The following HHAT variants were observed in gnomAD, a reference collection of about 807,000 sequenced individuals.
HHAT encodes the protein hedgehog acyltransferase.
Under a neutral mutation model 70.8 loss-of-function variants are expected in HHAT, and 47 were observed. The ratio of observed to expected loss-of-function variants is 0.66; its 90% CI spans 0.53 to 0.85. The LOEUF is 0.85. Ranked by LOEUF, HHAT falls within the 40% of genes least tolerant of loss-of-function variation. The probability of loss-of-function intolerance (pLI) is 0.00; values close to 1 mark genes in which losing one functional copy is unlikely to be tolerated. For missense variants in HHAT, 609 were observed against 604.8 expected (o/e 1.01, Z -0.07); for synonymous variants, 228 against 247.6 (o/e 0.92, Z 0.74).
chr1:210,431,307 C>T (rs2093235368), intron 7 of HHAT, among the ~76,000 whole-genome samples: 1 of 151,742 alleles, frequency 6.6e-6, no homozygotes, highest in Non-Finnish European at 1.5e-5. Flanking sequence ...TGCCACCTGT[C>T]CCCACATGTG....
chr1:210,619,100 G>A (rs116373790), intron 10 of HHAT, among the ~76,000 whole-genome samples: 2 of 152,094 alleles, frequency 1.3e-5, no homozygotes, highest in African/African-American at 2.4e-5. Context: ...TGTTCTGAGG[G>A]GCTTGCTGTA....
rs1232023005 is a variant in HHAT, at chr1:210,598,132, G to A, written c.1245+10033G>A. Among the ~76,000 whole-genome samples, 3 of 151,904 alleles carry A rather than the reference G, an allele frequency of 2.0e-5. No homozygotes were observed. In the East Asian group the frequency reaches 5.8e-4, roughly 30 times the overall value. Reference sequence around the variant, plus strand: ...TGTCTAGAAATGTCTGGGAGGTAGGGGTTGGGATGGGGGCCTCAAAACTCT... The same window carrying A: ...TGTCTAGAAATGTCTGGGAGGTAGGAGTTGGGATGGGGGCCTCAAAACTCT... On this transcript the variant is annotated intron_variant, in intron 10 of 11. Coordinates refer to ENST00000261458, the MANE Select transcript of HHAT (RefSeq NM_018194.6).
chr1:210,566,050 C>CT (rs556250432), intron 9 of HHAT, among the ~76,000 whole-genome samples: 81 of 152,260 alleles, frequency 5.3e-4, no homozygotes, highest in South Asian at 3.7e-3. Context: ...ATGCACTGAA[C>CT]TTTTTTTATC....
chr1:210,401,669 A>AT lies in HHAT; in HGVS notation c.468+1015dup, dbSNP rs548191150. Reference sequence around the variant, plus strand: ...TTATAGGCACTTACCTTTTAGCTTTATTTTTTTTCTCAGTCACAATAACAG... The same window carrying AT: ...TTATAGGCACTTACCTTTTAGCTTTATTTTTTTTTCTCAGTCACAATAACAG... On this transcript the variant is annotated intron_variant, in intron 5 of 11. Coordinates refer to ENST00000261458, the MANE Select transcript of HHAT (RefSeq NM_018194.6). Among the ~76,000 whole-genome samples the AT allele has an allele frequency of 7.9e-5, 12 of 151,984 alleles. No homozygotes were observed. In the East Asian group the frequency reaches 1.4e-3, roughly 17 times the overall value.
chr1:210,602,147 G>T (rs1664429632), intron 10 of HHAT, among the ~76,000 whole-genome samples: 1 of 152,152 alleles, frequency 6.6e-6, no homozygotes, highest in Non-Finnish European at 1.5e-5. Context: ...GGTCCACGGT[G>T]GTGATGCTAC....
intron 9 of HHAT, among the ~76,000 whole-genome samples, chr1:210,553,147 C>T (rs2095541809): frequency 6.6e-6 from 1 of 152,150 alleles, no homozygotes; most frequent in Admixed American, 6.5e-5. Flanking sequence ...GGAGATGGAA[C>T]CTATGTCTTG....
At chr1:210,559,304 C>T (rs2095600617) in intron 9 of HHAT, among the ~76,000 whole-genome samples, 1 of 152,158 alleles carries the variant, frequency 6.6e-6, no homozygotes, top group African/African-American at 2.4e-5. Flanking sequence ...CTGTACTCTT[C>T]ATGATTTTAA....
chr1:210,347,474 G>A (rs1438506067), intron 1 of HHAT, among the ~76,000 whole-genome samples: 2 of 152,124 alleles, frequency 1.3e-5, no homozygotes, highest in Non-Finnish European at 2.9e-5. Context: ...TCTTATTTTG[G>A]CATCCACAAT....
chr1:210,345,604 T>G (rs2086449819), intron 1 of HHAT, among the ~76,000 whole-genome samples: 1 of 152,248 alleles, frequency 6.6e-6, no homozygotes, highest in African/African-American at 2.4e-5. Context: ...CTATTAGAAG[T>G]GTTTTGGTCT....
At chr1:210,548,874 T>C (rs1410931101) in intron 9 of HHAT, among the ~76,000 whole-genome samples, 2 of 152,260 alleles carry the variant, frequency 1.3e-5, no homozygotes, top group Non-Finnish European at 2.9e-5. Flanking sequence ...TATTTGGCAT[T>C]ATTCCAATTG....
chr1:210,472,234 A>G (rs1476893814), intron 8 of HHAT, among the ~76,000 whole-genome samples: 1 of 152,202 alleles, frequency 6.6e-6, no homozygotes, highest in Non-Finnish European at 1.5e-5. Flanking sequence ...GGACAGTTCT[A>G]ATTTCTTTTA....
At chr1:210,557,033 C>G (rs1188392575) in intron 9 of HHAT, among the ~76,000 whole-genome samples, 1 of 152,202 alleles carries the variant, frequency 6.6e-6, no homozygotes, top group Non-Finnish European at 1.5e-5. Flanking sequence ...CCCACACTCA[C>G]AGCAGGGCTG....
intron 1 of HHAT, among the ~76,000 whole-genome samples, chr1:210,336,287 A>ATTTTTTTTTTTTTTTTTTTTTTGTTTT (rs2085481076): frequency 1.2e-5 from 1 of 84,626 alleles, no homozygotes; most frequent in Non-Finnish European, 2.4e-5. Flanking sequence ...TGCCTGGCTA[A>ATTTTTTTTTTTTTTTTTTTTTTGTTTT]TTTTTTTTTT....
intron 8 of HHAT, among the ~76,000 whole-genome samples, chr1:210,498,938 T>G (rs2148537815): frequency 6.6e-6 from 1 of 152,068 alleles, no homozygotes; most frequent in South Asian, 2.1e-4. Context: ...CCTGGCTAAT[T>G]TTTGTATTTT....
At chr1:210,673,272 G>A (rs1020501408) in intron 11 of HHAT, among the ~76,000 whole-genome samples, 1 of 151,944 alleles carries the variant, frequency 6.6e-6, no homozygotes, top group African/African-American at 2.4e-5. Flanking sequence ...AAGGACAGAG[G>A]ACCCTATATT....
chr1:210,454,319 C>G (rs948065104), intron 7 of HHAT, among the ~76,000 whole-genome samples: 2 of 152,100 alleles, frequency 1.3e-5, no homozygotes, highest in South Asian at 4.1e-4. Context: ...TTCGGGAGGC[C>G]GAGGTGGGCA....
chr1:210,491,662 GT>G (rs1253558507), intron 8 of HHAT, among the ~76,000 whole-genome samples: 1 of 152,188 alleles, frequency 6.6e-6, no homozygotes, highest in Non-Finnish European at 1.5e-5. Flanking sequence ...TCTGCTCCCA[GT>G]TTGCTTCTGC....
At chr1:210,421,296 A>G (rs966734734) in intron 7 of HHAT, among the ~76,000 whole-genome samples, 1 of 152,210 alleles carries the variant, frequency 6.6e-6, no homozygotes, top group African/African-American at 2.4e-5. Context: ...CACATAGATC[A>G]ATATAAAAAA....
chr1:210,340,242 G>GGGGGAAAAAA (rs1553313987), intron 1 of HHAT, among the ~76,000 whole-genome samples: 1 of 99,784 alleles, frequency 1.0e-5, no homozygotes, highest in African/African-American at 3.4e-5. Flanking sequence ...CTCTGTCTCA[G>GGGGGAAAAAA]AAAAAAAAAA....
Sources: allele counts gnomAD v4.1 joint callset (sites outside exome capture counted in the v4.1 genomes callset), GRCh38; gene constraint gnomAD v4.1.1; transcripts MANE v1.5; gene names NCBI Gene and HGNC (gene_info 2026-07-23, HGNC 2026-07-21).